NLRP1: variants seen among roughly 807,000 people sequenced by gnomAD.
NLRP1 encodes the protein NLR family pyrin domain containing 1.
Under a neutral mutation model 136.7 loss-of-function variants are expected in NLRP1, and 94 were observed. The ratio of observed to expected loss-of-function variants is 0.69; its 90% CI spans 0.58 to 0.82. NLRP1 has a LOEUF of 0.82. NLRP1 is among the 40% of genes least tolerant of loss of function. The pLI is 0.00. For synonymous variants in NLRP1, 690 were observed against 725.1 expected (o/e 0.95, Z 0.78); for missense variants, 1,575 against 1,802.7 (o/e 0.87, Z 2.29).
intron 3 of NLRP1, among the ~76,000 whole-genome samples, chr17:5,560,331 A>C (rs1445995921): frequency 6.6e-6 from 1 of 152,210 alleles, no homozygotes; most frequent in Non-Finnish European, 1.5e-5. Context: ...TAAAGAGTGA[A>C]CAAAACAGAC....
Position 5,517,358 on chromosome 17 carries a change from CCCT to C in NLRP1, c.4057+385_4057+387del, listed in dbSNP as rs1416972654. Among the ~76,000 whole-genome samples, 38 of 91,528 alleles carry C rather than the reference CCCT, an allele frequency of 4.2e-4. 7 individuals are homozygous for C. The highest frequency in any genetic ancestry group is 4.8e-4 in the Admixed American group (5 of 10,442). The allele number at this position is 91,528 out of a possible 152,430, so 60.0% of individuals were successfully genotyped here. On this transcript the variant is annotated intron_variant, in intron 15 of 16. Transcript: ENST00000572272. ...GTGATAGTGCACTCTGCACCCCCCC[CCCT>C]CCCACATACACAGACTTTCTTCCAT... is the stretch of plus-strand genomic sequence containing the variant.
chr17:5,582,198 G>T (rs753029354), intron 2 of NLRP1, 136 bp from the exon 3 acceptor site: 7 of 773,538 alleles, frequency 9.0e-6, no homozygotes, highest in Non-Finnish European at 1.4e-5. Context: ...TGAAGTAGAG[G>T]GGCAATTTTA....
chr17:5,553,428 C>T lies in NLRP1; in HGVS notation c.2486G>A (p.Cys829Tyr). 1 of 1,614,144 alleles carries T rather than the reference C, an allele frequency of 6.2e-7. No individual in the cohort carries two copies. Among genetic ancestry groups the T allele is most frequent in the Non-Finnish European group, 8.5e-7 (1 of 1,180,012 alleles). The change falls in exon 5 of 17, where the codon TGT (cysteine) becomes TAT (tyrosine). Residue 829 changes from cysteine (C) to tyrosine (Y), a missense_variant. Transcript: ENST00000572272. ...GCAGCGAGGGCGTCTCAGGGTCTTA[C>T]AAAGACTCTTCACTGCAGAGTGGCT... ...SLSHSAVKSL[C>Y]KTLRRPRCLL...
At chr17:5,509,718 C>T (rs60169688), downstream of NLRP1, among the ~76,000 whole-genome samples, 44,526 of 151,928 alleles carry the variant, frequency 0.29, 6,850 homozygotes, top group East Asian at 0.41. Context: ...TTGGCCAGGC[C>T]GGTCTCAAAC....
intron 4 of NLRP1, among the ~76,000 whole-genome samples, chr17:5,556,285 A>G (rs939482131): frequency 1.3e-5 from 2 of 152,044 alleles, no homozygotes; most frequent in South Asian, 2.1e-4. Context: ...TCTCATCTCT[A>G]TACAAAAAAT....
At chr17:5,519,976 C>T (rs903469083) in intron 14 of NLRP1, among the ~76,000 whole-genome samples, 1 of 150,860 alleles carries the variant, frequency 6.6e-6, no homozygotes, top group Non-Finnish European at 1.5e-5. Flanking sequence ...CCTGCCTCAG[C>T]CCCCTGAGTA....
At chr17:5,568,757 G>C (rs2151815101) in intron 3 of NLRP1, among the ~76,000 whole-genome samples, 1 of 152,276 alleles carries the variant, frequency 6.6e-6, no homozygotes. Flanking sequence ...CTGCTTTAGA[G>C]GGCACCCTAA....
chr17:5,521,632 G>A lies in NLRP1; in HGVS notation c.3675C>T (p.Ala1225=), dbSNP rs1908916103. The change falls in exon 13 of 17, where the codon GCC becomes GCT. Residue 1225 remains alanine (A), a synonymous_variant. Coordinates refer to ENST00000572272, the MANE Select transcript of NLRP1 (RefSeq NM_033004.4). ...CAGAGGTGACGGGAATGAAGCGCAGGGCATTATGGATCATTTTCAGGAGGA... is the reference window on the plus strand; with the variant it reads ...CAGAGGTGACGGGAATGAAGCGCAGAGCATTATGGATCATTTTCAGGAGGA... ...LGVLLKMIHN[A]LRFIPVTSVV... The A allele has an allele frequency of 6.2e-7, 1 of 1,614,076 alleles. No homozygotes were observed. The highest frequency in any genetic ancestry group is 8.5e-7 in the Non-Finnish European group (1 of 1,180,018).
intron 12 of NLRP1, among the ~76,000 whole-genome samples, chr17:5,523,927 T>C (rs1909215178): frequency 6.6e-6 from 1 of 152,212 alleles, no homozygotes. Context: ...ATACAACTAT[T>C]CTTTTTTTAT....
intron 3 of NLRP1, among the ~76,000 whole-genome samples, chr17:5,562,485 G>C (rs1914871118): frequency 2.0e-5 from 3 of 152,150 alleles, no homozygotes; most frequent in South Asian, 4.1e-4. Flanking sequence ...AAGAAATGCA[G>C]GTGTGGAGCC....
Position 5,559,210 on chromosome 17 carries a change from CT to C in NLRP1, c.1485del (p.Asp496MetfsTer35). The C allele has an allele frequency of 6.2e-7, 1 of 1,614,214 alleles. No homozygotes were observed. Among genetic ancestry groups the C allele is most frequent in the Middle Eastern group, 1.6e-4 (1 of 6,062 alleles). On this transcript the variant is annotated frameshift_variant, in exon 4 of 17. Transcript: ENST00000572272. LOFTEE classifies it high-confidence loss of function. ...SRKEYFYRYFTDERQAIRAFR... is the reference protein window; with the variant it reads ...SRKEYFYRYFXDERQAIRAFR... ...AAGGCTCTAATTGCTTGCCTTTCAT[CT>C]GTGAAATATCTGTAGAAATATTCCT...
intron 15 of NLRP1, among the ~76,000 whole-genome samples, chr17:5,516,484 T>TA (rs1908133264): frequency 6.6e-6 from 1 of 152,196 alleles, no homozygotes; most frequent in South Asian, 2.1e-4. Context: ...GGGAAGGAGA[T>TA]AGACTTTTTC....
chr17:5,533,551 G>GTTTTTTTTTTTTTTTTT (rs35006823), intron 9 of NLRP1, among the ~76,000 whole-genome samples, 167 bp from the exon 10 acceptor site: 8 of 90,030 alleles, frequency 8.9e-5, no homozygotes, highest in Admixed American at 1.3e-4. Context: ...GTGAGACTCT[G>GTTTTTTTTTTTTTTTTT]TTTTTTTTTT....
intron 12 of NLRP1, among the ~76,000 whole-genome samples, chr17:5,523,795 T>C (rs8074853): frequency 0.38 from 57,479 of 152,090 alleles, 11,095 homozygotes; most frequent in Admixed American, 0.42. Flanking sequence ...GAAGGGTCCA[T>C]GAAGACCATT....
chr17:5,573,693 C>A (rs1360252465), intron 3 of NLRP1, among the ~76,000 whole-genome samples: 3 of 152,224 alleles, frequency 2.0e-5, no homozygotes, highest in Non-Finnish European at 4.4e-5. Context: ...GCTGCTGATA[C>A]CCAGGCAAAC....
At chr17:5,580,247 A>G (rs1905474637) in intron 3 of NLRP1, among the ~76,000 whole-genome samples, 1 of 152,044 alleles carries the variant, frequency 6.6e-6, no homozygotes, top group South Asian at 2.1e-4. Flanking sequence ...AACAAAACAC[A>G]ACAAAAAACA....
At chr17:5,534,038 C>A in intron 8 of NLRP1, 50 bp from the exon 9 acceptor site, 1 of 1,280,768 alleles carries the variant, frequency 7.8e-7, no homozygotes, top group South Asian at 1.2e-5. Context: ...GAAGCGAGGG[C>A]TGTCCACATG....
chr17:5,537,886 G>A lies in NLRP1; in HGVS notation c.2871-946C>T, dbSNP rs1253925112. Among the ~76,000 whole-genome samples the A allele has an allele frequency of 1.3e-5, 2 of 152,200 alleles. No homozygotes were observed. Among genetic ancestry groups the A allele is most frequent in the Non-Finnish European group, 2.9e-5 (2 of 68,038 alleles). ...TGGGGAAAGGCTCTTCAGCATAAGG[G>A]AGGTAGTGATAGCCAAAAATACTCA... is the stretch of plus-strand genomic sequence containing the variant. On this transcript the variant is annotated intron_variant, in intron 7 of 16. Transcript: ENST00000572272. This position sits in a 1 kb window ranked among gnomAD's most constrained non-coding sequence, Gnocchi z 4.5.
chr17:5,507,294 C>T (rs1335020832), intron 15 of NLRP1, among the ~76,000 whole-genome samples: 1 of 151,970 alleles, frequency 6.6e-6, no homozygotes, highest in Non-Finnish European at 1.5e-5. Flanking sequence ...TTTGTTCTCC[C>T]TCAAACTGTC....
Sources: gnomAD v4.1 joint callset for allele counts (sites outside exome capture counted in the v4.1 genomes callset) on GRCh38, gnomAD v4.1.1 for gene constraint, Gnocchi (gnomAD v3.1) non-coding constraint, MANE v1.5 for transcripts, NCBI Gene and HGNC (gene_info 2026-07-23, HGNC 2026-07-21) for gene names.